Variants in EPM2A observed in about 807,000 individuals in gnomAD.
EPM2A encodes EPM2A glucan phosphatase, laforin, also known as laforin.
A neutral mutation model predicts 26.5 loss-of-function variants in EPM2A; 21 were observed. The ratio of observed to expected loss-of-function variants is 0.79; its 90% confidence interval spans 0.56 to 1.14. The LOEUF is 1.14. Ranked by LOEUF, EPM2A falls within the 50% of genes most tolerant of loss-of-function variation. The pLI is 0.00. For synonymous variants in EPM2A, 217 were observed against 177.6 expected, an observed-to-expected ratio of 1.22 and a Z score of -1.76; for missense variants, 458 against 440.8, an observed-to-expected ratio of 1.04 and a Z score of -0.35.
At chr6:145,725,584 C>G (rs1450841697) in intron 1 of EPM2A, among the ~76,000 whole-genome samples, 1 of 151,910 alleles carries the variant, frequency 6.6e-6, no homozygotes, top group African/African-American at 2.4e-5. Flanking sequence ...GGACATCATC[C>G]AGCAATAAAA....
chr6:145,480,168 T>C lies in EPM2A; in HGVS notation c.555+22354A>G, dbSNP rs552681790. 6.8e-3 allele frequency among the ~76,000 whole-genome samples: 1,030 copies of C among 150,886 alleles called. 5 individuals are homozygous for C. Among genetic ancestry groups the C allele is most frequent in the African/African-American group, 0.025 (996 of 40,514 alleles). On this transcript the variant is annotated intron_variant, in intron 4 of 4. Transcript: ENST00000638717. The stretch of plus-strand genomic sequence containing the variant: ...ACTGCTATAAATAACTACCTAAGAC[T>C]GGGTAATTTATTTAAAAAAAAAAGA...
At chr6:145,510,573 C>T (rs1364072571) in intron 2 of EPM2A, among the ~76,000 whole-genome samples, 1 of 152,116 alleles carries the variant, frequency 6.6e-6, no homozygotes, top group Non-Finnish European at 1.5e-5. Flanking sequence ...ACCAAAACCT[C>T]TGGGACACGA....
intron 2 of EPM2A, among the ~76,000 whole-genome samples, chr6:145,577,268 T>C (rs1181870094): frequency 1.3e-5 from 2 of 151,498 alleles, no homozygotes; most frequent in African/African-American, 4.9e-5. Flanking sequence ...GATTCAATTA[T>C]ATGCTGCCTA....
intron 4 of EPM2A, among the ~76,000 whole-genome samples, chr6:145,436,466 A>G (rs1352003415): frequency 2.6e-5 from 4 of 152,166 alleles, no homozygotes; most frequent in Admixed American, 6.6e-5. Context: ...CCAGCAATGC[A>G]TTAGGGTTTC....
intron 2 of EPM2A, among the ~76,000 whole-genome samples, chr6:145,611,518 T>C (rs1281955494): frequency 6.6e-6 from 1 of 151,996 alleles, no homozygotes; most frequent in Non-Finnish European, 1.5e-5. Flanking sequence ...TTTTAAGTAA[T>C]GGGCCAACAA....
At chr6:145,511,038 A>T (rs1780048456) in intron 2 of EPM2A, among the ~76,000 whole-genome samples, 1 of 152,194 alleles carries the variant, frequency 6.6e-6, no homozygotes, top group South Asian at 2.1e-4. Context: ...CCATGATTGA[A>T]CCAGGAAGAA....
intron 4 of EPM2A, among the ~76,000 whole-genome samples, chr6:145,413,830 C>A (rs534085585): frequency 1.3e-5 from 2 of 152,292 alleles, no homozygotes; most frequent in South Asian, 4.2e-4. Context: ...CATTTACACA[C>A]TTTTTTCCTC....
chr6:145,570,516 A>G (rs1405315361), intron 2 of EPM2A, among the ~76,000 whole-genome samples: 1 of 152,256 alleles, frequency 6.6e-6, no homozygotes, highest in Admixed American at 6.5e-5. Flanking sequence ...GTACACATGC[A>G]CAAACATGTT....
At chr6:145,539,723 C>A (rs963284523) in intron 2 of EPM2A, among the ~76,000 whole-genome samples, 1 of 152,070 alleles carries the variant, frequency 6.6e-6, no homozygotes, top group Non-Finnish European at 1.5e-5. Context: ...TTGTATTAAC[C>A]ATGACTTTTT....
intron 2 of EPM2A, among the ~76,000 whole-genome samples, chr6:145,581,090 C>G (rs998000149): frequency 1.3e-5 from 2 of 152,044 alleles, no homozygotes; most frequent in Non-Finnish European, 2.9e-5. Context: ...AAGTAACCAC[C>G]AAGCTGCTGA....
chr6:145,473,228 G>A (rs956388643), intron 4 of EPM2A, among the ~76,000 whole-genome samples: 7 of 151,588 alleles, frequency 4.6e-5, no homozygotes, highest in Non-Finnish European at 7.4e-5. Flanking sequence ...AAAAAATCAC[G>A]TAGAAATTCT....
chr6:145,608,222 A>T (rs1775310371), intron 2 of EPM2A, among the ~76,000 whole-genome samples: 1 of 152,128 alleles, frequency 6.6e-6, no homozygotes, highest in East Asian at 1.9e-4. Context: ...TATCATTGTT[A>T]ATCTCTTGTT....
chr6:145,694,100 T>C (rs1006271888), intron 1 of EPM2A, among the ~76,000 whole-genome samples: 3 of 151,968 alleles, frequency 2.0e-5, no homozygotes, highest in East Asian at 1.9e-4. Context: ...TGTAGTCTCC[T>C]TAAGCAAAAT....
intron 4 of EPM2A, among the ~76,000 whole-genome samples, chr6:145,440,170 C>T (rs145961469): frequency 7.4e-4 from 113 of 152,314 alleles, no homozygotes; most frequent in African/African-American, 2.5e-3. Flanking sequence ...TGGGAAGCCT[C>T]ACAATCATGG....
rs754313309 is a variant in EPM2A at position 145,635,287 on chromosome 6, A to G, written c.676T>C (p.Leu226=). 1 of 1,614,090 alleles carries G rather than the reference A, an allele frequency of 6.2e-7. No homozygotes were observed. The highest frequency in any genetic ancestry group is 1.3e-5 in the African/African-American group (1 of 74,946). ...GGTGTTGGCATCCAGATGTAGGCCA[A>G]GCCTTCTTCCCTATATAGTTTAATC... The part of the protein sequence containing the change: ...TMIKLYREEG[L]AYIWMPTPDM... Residue 226 remains leucine, a synonymous_variant, in exon 3 of 4, where the codon TTG becomes CTG. Transcript: ENST00000367519.
chr6:145,485,845 C>A (rs1347588733), intron 4 of EPM2A, among the ~76,000 whole-genome samples: 1 of 152,184 alleles, frequency 6.6e-6, no homozygotes, highest in Non-Finnish European at 1.5e-5. Flanking sequence ...CACGTGGCGG[C>A]AGACAAGACA....
intron 1 of EPM2A, among the ~76,000 whole-genome samples, chr6:145,692,366 T>C (rs1781331494): frequency 6.6e-6 from 1 of 151,968 alleles, no homozygotes; most frequent in Non-Finnish European, 1.5e-5. Context: ...TCAACCAACA[T>C]TATCTAGTTG....
intron 4 of EPM2A, among the ~76,000 whole-genome samples, chr6:145,495,437 T>C (rs1205443624): frequency 6.6e-6 from 1 of 152,222 alleles, no homozygotes; most frequent in Non-Finnish European, 1.5e-5. Context: ...CTTGGTTCTT[T>C]ATCCAGCTTG....
At chr6:145,508,526 T>C (rs1338926077) in intron 2 of EPM2A, among the ~76,000 whole-genome samples, 1 of 151,966 alleles carries the variant, frequency 6.6e-6, no homozygotes, top group Non-Finnish European at 1.5e-5. Context: ...AAATCAATGA[T>C]ACACAATAAA....
Sources: gnomAD v4.1 joint callset for allele counts (sites outside exome capture counted in the v4.1 genomes callset) on GRCh38, gnomAD v4.1.1 for gene constraint, MANE v1.5 for transcripts, NCBI Gene and HGNC (gene_info 2026-07-23, HGNC 2026-07-21) for gene names.